The following TAX1BP1 variants were observed in gnomAD, a reference collection of about 807,000 sequenced individuals.
The protein encoded by TAX1BP1 is Tax1 binding protein 1, also known as tax1-binding protein 1.
TAX1BP1 carries 62 observed loss-of-function variants against 97.7 expected under a neutral mutation model. The observed-to-expected ratio is 0.63, with a 90% CI of 0.52 to 0.78. The LOEUF (loss-of-function observed/expected upper bound fraction) is 0.78, where lower values mean the gene tolerates loss of function less well. Ranked by LOEUF, TAX1BP1 falls within the 30% of genes least tolerant of loss-of-function variation. The pLI, the probability that TAX1BP1 is intolerant of heterozygous loss-of-function variation, is 0.00. For missense variants in TAX1BP1, 867 were observed against 916.1 expected (o/e 0.95, Z 0.69); for synonymous variants, 340 against 304.2 (o/e 1.12, Z -1.23).
At chr7:27,767,699 A>G (rs1467745584) in intron 4 of TAX1BP1, among the ~76,000 whole-genome samples, 1 of 152,120 alleles carries the variant, frequency 6.6e-6, no homozygotes, top group South Asian at 2.1e-4. Flanking sequence ...CAGGGCCTCC[A>G]ACAGAAAAGT....
chr7:27,797,248 C>T (rs1006038838), intron 12 of TAX1BP1, among the ~76,000 whole-genome samples: 28 of 152,184 alleles, frequency 1.8e-4, no homozygotes, highest in Admixed American at 3.9e-4. Context: ...CCACTCGCCT[C>T]GGCCTGTCAA....
intron 5 of TAX1BP1, among the ~76,000 whole-genome samples, chr7:27,773,524 A>G (rs1173510760): frequency 6.6e-6 from 1 of 152,042 alleles, no homozygotes; most frequent in Non-Finnish European, 1.5e-5. Flanking sequence ...TGTATTTTGG[A>G]CATTTCACAT....
intron 12 of TAX1BP1, 98 bp from the exon 13 acceptor site, chr7:27,799,867 G>A (rs953223223): frequency 2.2e-6 from 2 of 904,746 alleles, no homozygotes; most frequent in African/African-American, 3.4e-5. Flanking sequence ...TTACAACAGT[G>A]TTATAATAAA....
chr7:27,749,668 T>A (rs1787952746), intron 2 of TAX1BP1, among the ~76,000 whole-genome samples: 1 of 152,262 alleles, frequency 6.6e-6, no homozygotes, highest in Non-Finnish European at 1.5e-5. Flanking sequence ...TTTCTTGATG[T>A]TTCTGAATAC....
chr7:27,742,686 T>A (rs1787668213), intron 1 of TAX1BP1, among the ~76,000 whole-genome samples: 1 of 152,192 alleles, frequency 6.6e-6, no homozygotes. Flanking sequence ...CAGGCTAGTG[T>A]CGAACTCCTG....
chr7:27,781,531 A>G (rs926409177), intron 5 of TAX1BP1, among the ~76,000 whole-genome samples: 7 of 152,260 alleles, frequency 4.6e-5, no homozygotes, highest in Middle Eastern at 3.4e-3. Flanking sequence ...AAAATATTGT[A>G]TAAAATGTAA....
chr7:27,802,268 G>C (rs1313583070), intron 13 of TAX1BP1, among the ~76,000 whole-genome samples: 1 of 152,170 alleles, frequency 6.6e-6, no homozygotes, highest in African/African-American at 2.4e-5. Flanking sequence ...TGGCAGCATT[G>C]AAGAGGATTT....
At chr7:27,740,783 G>T (rs945587691) in intron 1 of TAX1BP1, among the ~76,000 whole-genome samples, 2 of 152,180 alleles carry the variant, frequency 1.3e-5, no homozygotes, top group South Asian at 4.1e-4. Context: ...TTGAGTCGCC[G>T]GTGGCGAAGG....
rs777035376 is a variant in TAX1BP1 at position 27,785,493 on chromosome 7, A to G, written c.852+4A>G. 5 of 1,603,006 alleles carry G rather than the reference A, an allele frequency of 3.1e-6. No homozygotes were observed. The highest frequency in any genetic ancestry group is 1.3e-5 in the African/African-American group (1 of 74,308). On this transcript the variant is annotated splice_donor_region_variant and intron_variant, in intron 7 of 16. Coordinates refer to ENST00000396319, the MANE Select transcript of TAX1BP1 (RefSeq NM_006024.7). ...GGATGAAAAGGAACTTTATAAGGTA[A>G]TTTATTTTTTACCATATCTATTGCC...
chr7:27,820,103 T>C (rs1790918137), intron 15 of TAX1BP1, among the ~76,000 whole-genome samples: 1 of 152,236 alleles, frequency 6.6e-6, no homozygotes, highest in Non-Finnish European at 1.5e-5. Flanking sequence ...ATACGCTATT[T>C]TAAAACTGCC....
chr7:27,803,271 A>G (rs1484540691), intron 13 of TAX1BP1: 6 of 1,189,024 alleles, frequency 5.0e-6, no homozygotes, highest in African/African-American at 1.6e-5. Flanking sequence ...AGTTCATGTG[A>G]CAGTACAATG....
chr7:27,789,825 T>C (rs1359627187), intron 8 of TAX1BP1, among the ~76,000 whole-genome samples: 1 of 151,996 alleles, frequency 6.6e-6, no homozygotes, highest in Non-Finnish European at 1.5e-5. Context: ...TTGTTACTTT[T>C]TAATGTAACA....
Position 27,816,371 on chromosome 7 carries a change from A to G in TAX1BP1, c.1787A>G (p.Asn596Ser), listed in dbSNP as rs1239080541. 1 of 1,580,004 alleles carries G rather than the reference A, an allele frequency of 6.3e-7. No homozygotes were observed. The highest frequency in any genetic ancestry group is 8.5e-7 in the Non-Finnish European group (1 of 1,170,344). ...TAGGAACTTAAAAGGAGTCTAGAAA[A>G]TCCAGCAGAAAGGAAAATGGAAGGT... ...NYKELKRSLE[N>S]PAERKMEGQN... The change falls in exon 14 of 17, where the codon AAT becomes AGT. Residue 596 changes from asparagine to serine, a missense_variant. Transcript: ENST00000396319.
At chr7:27,805,460 T>TA (rs1476613739) in intron 13 of TAX1BP1, among the ~76,000 whole-genome samples, 5 of 152,234 alleles carry the variant, frequency 3.3e-5, no homozygotes, top group Non-Finnish European at 7.3e-5. Context: ...TTTTACCATG[T>TA]AAATGTTCTT....
Position 27,765,856 on chromosome 7 carries a change from T to C in TAX1BP1, c.288T>C (p.Asp96=). Residue 96 remains aspartate (D), a synonymous_variant, in exon 4 of 17, where the codon GAT becomes GAC. Coordinates refer to ENST00000396319, the MANE Select transcript of TAX1BP1 (RefSeq NM_006024.7). ...TAGGATATTACCTTCCAAATGATGA[T>C]GGAGAATTTTATCAGTTCTGTTACG... The part of the protein sequence containing the change: ...AFQGYYLPND[D]GEFYQFCYVT... 1 of 1,613,760 alleles carries C rather than the reference T, an allele frequency of 6.2e-7. No individual in the cohort carries two copies. The highest frequency in any genetic ancestry group is 1.1e-5 in the South Asian group (1 of 91,060).
At chr7:27,775,920 C>T (rs918681113) in intron 5 of TAX1BP1, among the ~76,000 whole-genome samples, 1 of 152,110 alleles carries the variant, frequency 6.6e-6, no homozygotes, top group Admixed American at 6.6e-5. Flanking sequence ...GATTGCCTGC[C>T]TTACACAAGC....
intron 12 of TAX1BP1, among the ~76,000 whole-genome samples, chr7:27,798,289 G>A (rs1446831494): frequency 6.6e-6 from 1 of 152,034 alleles, no homozygotes; most frequent in African/African-American, 2.4e-5. Flanking sequence ...AGTTGTTTAT[G>A]GACATATGTT....
At chr7:27,827,013 C>T (rs887216169) in intron 15 of TAX1BP1, among the ~76,000 whole-genome samples, 1 of 152,116 alleles carries the variant, frequency 6.6e-6, no homozygotes, top group African/African-American at 2.4e-5. Context: ...ATTAAGCTTA[C>T]AGTTATTAAA....
intron 10 of TAX1BP1, 41 bp from the exon 11 acceptor site, chr7:27,794,282 A>T (rs1208035879): frequency 6.5e-7 from 1 of 1,529,070 alleles, no homozygotes; most frequent in Non-Finnish European, 8.9e-7. Flanking sequence ...AATATAACTA[A>T]TTCATTGACT....
Sources: gnomAD v4.1 joint callset for allele counts (sites outside exome capture counted in the v4.1 genomes callset) on GRCh38, gnomAD v4.1.1 for gene constraint, MANE v1.5 for transcripts, NCBI Gene and HGNC (gene_info 2026-07-23, HGNC 2026-07-21) for gene names.